The following GOLGA6A variants were observed in gnomAD, a reference collection of about 807,000 sequenced individuals.
GOLGA6A encodes the protein golgin subfamily A member 6A.
In GOLGA6A, 1 loss-of-function variant was observed where a neutral mutation model predicts 53.6. The ratio of observed to expected loss-of-function variants is 0.02; its 90% CI spans 0.01 to 0.09. The LOEUF is 0.09. Among genes scored for constraint, GOLGA6A ranks in the 10% least tolerant of loss-of-function variants. GOLGA6A has a pLI of 1.00. For synonymous variants in GOLGA6A, 6 were observed against 201.8 expected (o/e 0.03, Z 8.22); for missense variants, 23 against 509.4 (o/e 0.05, Z 9.19).
intron 14 of GOLGA6A, among the ~76,000 whole-genome samples, 159 bp downstream of exon 14, chr15:74,072,059 T>C (rs372606049): frequency 0.08 from 10,507 of 131,530 alleles, 7 homozygotes; most frequent in East Asian, 0.14. Context: ...CCTCAGAGAG[T>C]GCACCTGTTG....
intron 12 of GOLGA6A, among the ~76,000 whole-genome samples, chr15:74,073,275 C>T (rs1277741740): frequency 6.6e-6 from 1 of 151,126 alleles, no homozygotes; most frequent in African/African-American, 2.5e-5. Flanking sequence ...CCTCCCTTGC[C>T]TAGAACCCCA....
intron 14 of GOLGA6A, among the ~76,000 whole-genome samples, chr15:74,071,908 C>G (rs1381146612): frequency 3.2e-4 from 48 of 152,234 alleles, no homozygotes; most frequent in African/African-American, 1.0e-3. Context: ...CCGCTGCCCA[C>G]ATAGCCGTGC....
chr15:74,073,225 GC>G (rs1329984291), intron 12 of GOLGA6A, among the ~76,000 whole-genome samples: 1 of 151,468 alleles, frequency 6.6e-6, no homozygotes, highest in Non-Finnish European at 1.5e-5. Flanking sequence ...TCTGTCACCT[GC>G]CCAGGACCCT....
At position 74,071,422 on chromosome 15, in the gene GOLGA6A, C is replaced by G. The variant is rs1170278751; in HGVS notation, c.1745G>C (p.Arg582Pro). 4 of 945,448 alleles carry G rather than the reference C, an allele frequency of 4.2e-6. No homozygotes were observed. The highest frequency in any genetic ancestry group is 6.5e-6 in the Non-Finnish European group (4 of 613,574). 58.6% of individuals were successfully genotyped at this position (945,448 alleles called of 1,614,324 possible). ...YESQGAVPNT[R>P]HQEMEDVIRL... ...GATGACATCCTCCATCTCCTGGTGC[C>G]GCGTGTTTGGCACTGCCCCCTGGCT... is the stretch of plus-strand genomic sequence containing the variant. Residue 582 changes from arginine (R) to proline (P), a missense_variant, in exon 16 of 18, where the codon CGG becomes CCG. By Grantham distance (103) the Arg-to-Pro change is moderately radical. Coordinates refer to ENST00000290438, the MANE Select transcript of GOLGA6A (RefSeq NM_001038640.2).
intron 13 of GOLGA6A, 182 bp from the exon 14 acceptor site, chr15:74,072,491 C>T (rs2071951898): frequency 1.4e-6 from 1 of 696,356 alleles, no homozygotes; most frequent in Non-Finnish European, 2.5e-6. Context: ...AGGCACAGTC[C>T]CACTACCGGT....
intron 7 of GOLGA6A, 88 bp from the exon 8 acceptor site, chr15:74,076,073 TA>T: frequency 6.2e-7 from 1 of 1,604,616 alleles, no homozygotes; most frequent in Admixed American, 1.7e-5. Context: ...ACTCGGTCAG[TA>T]AAGGTCAAGG....
intron 12 of GOLGA6A, among the ~76,000 whole-genome samples, chr15:74,073,233 C>T (rs547222620): frequency 1.3e-5 from 2 of 151,526 alleles, no homozygotes; most frequent in South Asian, 4.1e-4. Flanking sequence ...CTGCCCAGGA[C>T]CCTGGTCCCT....
In GOLGA6A at chr15:74,074,666, GC is replaced by G. The variant is rs1407223842; in HGVS notation, c.1182del (p.Arg394SerfsTer59). Reference sequence around the variant, plus strand: ...TGCAGCCTCTCCTCCTCCTTTCGCAGCCTCTCCTCCTGTTTGCGTAGCCTCT... The same window carrying G: ...TGCAGCCTCTCCTCCTCCTTTCGCAGCTCTCCTCCTGTTTGCGTAGCCTCT... ...QEQRLRKQEE[R>X]LRKEEERLQK... On this transcript the variant is annotated frameshift_variant, in exon 11 of 18. Coordinates refer to ENST00000290438, the MANE Select transcript of GOLGA6A (RefSeq NM_001038640.2). LOFTEE classifies it high-confidence loss of function. 32 of 456,422 alleles carry G rather than the reference GC, an allele frequency of 7.0e-5. 6 individuals carry two copies. The African/African-American group carries it at 1.5e-3, about 22-fold the overall frequency. The allele number at this position is 456,422 out of a possible 1,614,324, so 28.3% of individuals were successfully genotyped here. A position where few individuals can be genotyped will look rare whatever the true frequency, so the allele number is the denominator to read the frequency against.
At chr15:74,080,885 TGA>T (rs2071999614) in intron 1 of GOLGA6A, 150 bp from the exon 2 acceptor site, 18 of 1,066,166 alleles carry the variant, frequency 1.7e-5, no homozygotes, top group Non-Finnish European at 2.4e-5. Flanking sequence ...CTTAAGTGAC[TGA>T]GAGGGATGGA....
rs2415172 is a variant in GOLGA6A, at chr15:74,072,362, G to A, written c.1502-53C>T. ...CAGACAACCCAACAAGGGAGGTACT[G>A]TGGGCCCACCTCTGTCCCCACCCTG... is the stretch of plus-strand genomic sequence containing the variant. On this transcript the variant is annotated intron_variant, in intron 13 of 17. Coordinates refer to ENST00000290438, the MANE Select transcript of GOLGA6A (RefSeq NM_001038640.2). The A allele has an allele frequency of 2.5e-6, 4 of 1,586,106 alleles. No individual in the cohort carries two copies. The Admixed American group carries it at 5.2e-5, about 21-fold the overall frequency.
At chr15:74,076,662 C>CA (rs1389139330) in intron 7 of GOLGA6A, among the ~76,000 whole-genome samples, 15 of 146,098 alleles carry the variant, frequency 1.0e-4, no homozygotes, top group African/African-American at 3.5e-4. Flanking sequence ...ACACACACAC[C>CA]CCTTTCCTCT....
Position 74,074,591 on chromosome 15 carries a change from CCTT to C in GOLGA6A, c.1255_1257del (p.Lys419del). On this transcript the variant is annotated inframe_deletion, in exon 11 of 18. Transcript: ENST00000290438. ...TCCTCCTGCTTTTGTAGCCTCTCCTCCTTCTTCCACAGCCTCTCCTCCTGGTCC... is the reference window on the plus strand; with the variant it reads ...TCCTCCTGCTTTTGTAGCCTCTCCTCCTTCCACAGCCTCTCCTCCTGGTCC... The C allele has an allele frequency of 3.1e-5, 12 of 392,430 alleles. No homozygotes were observed. The highest frequency in any genetic ancestry group is 1.6e-4 in the South Asian group (7 of 42,460). 24.3% of individuals were successfully genotyped at this position (392,430 alleles called of 1,614,324 possible).
intron 10 of GOLGA6A, 78 bp from the exon 11 acceptor site, chr15:74,075,079 A>AC: frequency 2.4e-6 from 1 of 416,394 alleles, no homozygotes; most frequent in Non-Finnish European, 3.6e-6. Flanking sequence ...AAAAAAAAAA[A>AC]AACCTCCTCT....
chr15:74,073,269 C>T (rs879011846), intron 12 of GOLGA6A, among the ~76,000 whole-genome samples: 38 of 150,404 alleles, frequency 2.5e-4, no homozygotes, highest in African/African-American at 8.8e-4. Flanking sequence ...AGGCTTCCTC[C>T]CTTGCCTAGA....
rs372425900 is a variant in GOLGA6A at position 74,070,995 on chromosome 15, G to T, written c.1997C>A (p.Pro666Gln). 8.1e-6 allele frequency: 13 copies of T among 1,612,876 alleles called. No individual in the cohort carries two copies. In the South Asian group the frequency reaches 8.8e-5, roughly 11 times the overall value. Residue 666 changes from proline (P) to glutamine (Q), a missense_variant, in exon 18 of 18, where the codon CCA becomes CAA. Coordinates refer to ENST00000290438, the MANE Select transcript of GOLGA6A (RefSeq NM_001038640.2). ...VSLDNNVEPA[P>Q]GAAREGSPHD... Reference sequence around the variant, plus strand: ...GGGAGAACCCTCCCTGGCCGCTCCTGGTGCAGGCTCCACGTTGTTGTCCAG... The same window carrying T: ...GGGAGAACCCTCCCTGGCCGCTCCTTGTGCAGGCTCCACGTTGTTGTCCAG...
Position 74,070,922 on chromosome 15 carries a change from C to A in GOLGA6A, c.2070G>T (p.Met690Ile), listed in dbSNP as rs1461441705. Residue 690 changes from methionine (M) to isoleucine (I), a missense_variant, in exon 18 of 18, where the codon ATG becomes ATT. Transcript: ENST00000290438. ...AGCCTGGGTGCTCCTAGGTGTCCTG[C>A]ATGACAGGAGACAGCTGCACGATCT... is the stretch of plus-strand genomic sequence containing the variant. ...VQQIVQLSPVMQDT is the reference protein window; with the variant it reads ...VQQIVQLSPVIQDT 1 of 1,610,640 alleles carries A rather than the reference C, an allele frequency of 6.2e-7. No homozygotes were observed. The highest frequency in any genetic ancestry group is 1.1e-5 in the South Asian group (1 of 90,998).
Position 74,072,207 on chromosome 15 carries a change from GTCAGGC to G in GOLGA6A, c.1593+5_1593+10del. 1 of 1,602,344 alleles carries G rather than the reference GTCAGGC, an allele frequency of 6.2e-7. No homozygotes were observed. ...AAGGTGGCAAAGCGGGGCAGGGAAAGTCAGGCTCACCGTGGCCTCCCGGCTCTCCAG... is the reference window on the plus strand; with the variant it reads ...AAGGTGGCAAAGCGGGGCAGGGAAAGTCACCGTGGCCTCCCGGCTCTCCAG... On this transcript the variant is annotated splice_donor_5th_base_variant and intron_variant, in intron 14 of 17. Coordinates refer to ENST00000290438, the MANE Select transcript of GOLGA6A (RefSeq NM_001038640.2).
Position 74,071,147 on chromosome 15 carries a change from A to T in GOLGA6A, c.1931T>A (p.Leu644His), listed in dbSNP as rs2071934699. 7.1e-7 allele frequency: 1 copy of T among 1,401,282 alleles called. No individual in the cohort carries two copies. The highest frequency in any genetic ancestry group is 9.7e-7 in the Non-Finnish European group (1 of 1,030,804). 86.8% of individuals were successfully genotyped at this position (1,401,282 alleles called of 1,614,324 possible). A position where few individuals can be genotyped will look rare whatever the true frequency, so the allele number is the denominator to read the frequency against. ...PTPGAPAPQE[L>H]GAAGEQDVFY... ...ACCATCCTGCTCACCGGCAGCCCCA[A>T]GTTCCTGGGGGGCTGGGGCCCCTGG... is the stretch of plus-strand genomic sequence containing the variant. Residue 644 changes from leucine (L) to histidine (H), a missense_variant, in exon 17 of 18, where the codon CTT becomes CAT. Leu to His is a moderately conservative substitution (Grantham distance 99). Coordinates refer to ENST00000290438, the MANE Select transcript of GOLGA6A (RefSeq NM_001038640.2).
chr15:74,080,110 CAGA>C (rs1446153857), intron 2 of GOLGA6A, among the ~76,000 whole-genome samples: 18 of 147,834 alleles, frequency 1.2e-4, no homozygotes, highest in South Asian at 6.6e-4. Flanking sequence ...TGAGGCCCAG[CAGA>C]AGAAGTGATT....
Sources: allele counts gnomAD v4.1 joint callset (sites outside exome capture counted in the v4.1 genomes callset), GRCh38; gene constraint gnomAD v4.1.1; transcripts MANE v1.5; gene names NCBI Gene and HGNC (gene_info 2026-07-23, HGNC 2026-07-21).